Variants in EIF2S1 observed in about 807,000 individuals in gnomAD.
EIF2S1 encodes eukaryotic translation initiation factor 2 subunit alpha.
EIF2S1 carries 5 observed loss-of-function variants against 33.5 expected under a neutral mutation model. The observed-to-expected ratio is 0.15, with a 90% CI of 0.08 to 0.31. EIF2S1 has a LOEUF of 0.31. Among genes scored for constraint, EIF2S1 ranks in the 10% least tolerant of loss-of-function variants. The pLI is 1.00. For synonymous variants in EIF2S1, 99 were observed against 127.5 expected, an observed-to-expected ratio of 0.78 and a Z score of 1.51; for missense variants, 191 against 384.6, an observed-to-expected ratio of 0.50 and a Z score of 4.21.
At chr14:67,372,040 G>A (rs2085825529) in intron 2 of EIF2S1, among the ~76,000 whole-genome samples, 1 of 151,522 alleles carries the variant, frequency 6.6e-6, no homozygotes, top group Non-Finnish European at 1.5e-5. Context: ...CTAGGTGGGG[G>A]GATCACTTGA....
chr14:67,362,578 G>C (rs1197671392), intron 1 of EIF2S1, among the ~76,000 whole-genome samples: 1 of 152,140 alleles, frequency 6.6e-6, no homozygotes, highest in East Asian at 1.9e-4. Flanking sequence ...CTTCTAGTAA[G>C]TAGCAGAGCA....
At chr14:67,365,903 A>G (rs2085773874) in intron 2 of EIF2S1, among the ~76,000 whole-genome samples, 1 of 152,054 alleles carries the variant, frequency 6.6e-6, no homozygotes, top group Non-Finnish European at 1.5e-5. Flanking sequence ...GATTTTGAGG[A>G]TGTCTTATGC....
chr14:67,376,631 C>T (rs778223409), intron 4 of EIF2S1, 41 bp downstream of exon 4: 1 of 1,591,294 alleles, frequency 6.3e-7, no homozygotes, highest in Non-Finnish European at 8.6e-7. Context: ...CTTGATATCA[C>T]AACTCTTGGC....
At chr14:67,365,122 T>G (rs148435097) in intron 2 of EIF2S1, 114 bp downstream of exon 2, 17,349 of 1,142,906 alleles carry the variant, frequency 0.015, 168 homozygotes, top group Non-Finnish European at 0.018. Context: ...CTTTTATACT[T>G]AAACCTTTTA....
In EIF2S1 at chr14:67,360,396, G is replaced by C. The variant is rs1187821079; in HGVS notation, c.-62G>C. ...GGCCGGTGAGGGGGAAGCAAGTCTG[G>C]TCTCTGTGATTGAAGAAGTCGGCTC... is the stretch of plus-strand genomic sequence containing the variant. On this transcript the variant is annotated 5_prime_UTR_variant, in exon 1 of 8. Transcript: ENST00000256383. 7.6e-6 allele frequency: 3 copies of C among 395,456 alleles called. No individual in the cohort carries two copies. The highest frequency in any genetic ancestry group is 1.3e-5 in the Non-Finnish European group (3 of 224,562). 24.5% of individuals were successfully genotyped at this position (395,456 alleles called of 1,614,324 possible). A position where few individuals can be genotyped will look rare whatever the true frequency, so the allele number is the denominator to read the frequency against.
chr14:67,375,371 T>C (rs2085851984), intron 3 of EIF2S1, among the ~76,000 whole-genome samples: 1 of 152,026 alleles, frequency 6.6e-6, no homozygotes. Flanking sequence ...TCCTCTCGCC[T>C]CTGCCTCCCG....
Position 67,383,623 on chromosome 14 carries a change from C to A in EIF2S1, c.*183C>A. ...CTCCTAAATGTCAGCTGTTGTCACACAGTAGCTCCAACACTTTGAGCATTT... is the reference window on the plus strand; with the variant it reads ...CTCCTAAATGTCAGCTGTTGTCACAAAGTAGCTCCAACACTTTGAGCATTT... On this transcript the variant is annotated 3_prime_UTR_variant, in exon 8 of 8. Transcript: ENST00000256383. 1.3e-6 allele frequency: 1 copy of A among 752,422 alleles called. No homozygotes were observed. The highest frequency in any genetic ancestry group is 2.1e-6 in the Non-Finnish European group (1 of 474,714). The allele number at this position is 752,422 out of a possible 1,614,324, so 46.6% of individuals were successfully genotyped here.
chr14:67,360,425 G>T lies in EIF2S1; in HGVS notation c.-33G>T. The T allele has an allele frequency of 2.6e-6, 1 of 391,410 alleles. No homozygotes were observed. The allele number at this position is 391,410 out of a possible 1,614,324, so 24.2% of individuals were successfully genotyped here. A position where few individuals can be genotyped will look rare whatever the true frequency, so the allele number is the denominator to read the frequency against. ...CTGTGATTGAAGAAGTCGGCTCTGG[G>T]CTCCAGTGCGGGAATCACACACATA... is the stretch of plus-strand genomic sequence containing the variant. On this transcript the variant is annotated 5_prime_UTR_variant, in exon 1 of 8. Transcript: ENST00000256383.
At chr14:67,383,277 T>G in intron 7 of EIF2S1, 38 bp from the exon 8 acceptor site, 10 of 1,605,842 alleles carry the variant, frequency 6.2e-6, no homozygotes, top group South Asian at 3.3e-5. Context: ...GTATAGTATT[T>G]ACTACTTCAG....
chr14:67,367,083 G>C (rs1170769053), intron 2 of EIF2S1, among the ~76,000 whole-genome samples: 1 of 152,064 alleles, frequency 6.6e-6, no homozygotes, highest in African/African-American at 2.4e-5. Flanking sequence ...CCAAATCTCT[G>C]GTTTGTCCCT....
chr14:67,367,905 T>C (rs988165638), intron 2 of EIF2S1, among the ~76,000 whole-genome samples: 1 of 151,892 alleles, frequency 6.6e-6, no homozygotes, highest in Non-Finnish European at 1.5e-5. Flanking sequence ...ACATGGAAAA[T>C]ATATAGGTAA....
intron 7 of EIF2S1, chr14:67,382,803 G>T: frequency 1.8e-6 from 1 of 549,322 alleles, no homozygotes; most frequent in Admixed American, 3.4e-5. Context: ...GTTTGAATTT[G>T]CATGTGGCAT....
chr14:67,379,270 T>C (rs574199904), intron 4 of EIF2S1, among the ~76,000 whole-genome samples: 18 of 152,340 alleles, frequency 1.2e-4, no homozygotes, highest in Admixed American at 3.3e-4. Context: ...ATCTTTAAAC[T>C]GACTTGGTTT....
intron 2 of EIF2S1, 23 bp downstream of exon 2, chr14:67,365,031 A>T (rs2085765045): frequency 5.8e-6 from 9 of 1,558,954 alleles, no homozygotes; most frequent in Non-Finnish European, 6.9e-6. Context: ...AATATCTGTA[A>T]TATAAATTTC....
Position 67,383,621 on chromosome 14 carries a change from C to A in EIF2S1, c.*181C>A. ...CCCTCCTAAATGTCAGCTGTTGTCA[C>A]ACAGTAGCTCCAACACTTTGAGCAT... On this transcript the variant is annotated 3_prime_UTR_variant, in exon 8 of 8. Coordinates refer to ENST00000256383, the MANE Select transcript of EIF2S1 (RefSeq NM_004094.5). 2.6e-6 allele frequency: 2 copies of A among 772,060 alleles called. No homozygotes were observed. Among genetic ancestry groups the A allele is most frequent in the Non-Finnish European group, 4.1e-6 (2 of 491,228 alleles). The allele number at this position is 772,060 out of a possible 1,614,324, so 47.8% of individuals were successfully genotyped here. A position where few individuals can be genotyped will look rare whatever the true frequency, so the allele number is the denominator to read the frequency against.
intron 2 of EIF2S1, among the ~76,000 whole-genome samples, chr14:67,367,029 C>T (rs1389415339): frequency 6.6e-6 from 1 of 151,922 alleles, no homozygotes; most frequent in African/African-American, 2.4e-5. Flanking sequence ...AGAAAGGAGG[C>T]GGCAGGCACA....
rs757025338 is a variant in EIF2S1, at chr14:67,374,513, T to C, written c.287T>C (p.Ile96Thr). 2 of 1,608,314 alleles carry C rather than the reference T, an allele frequency of 1.2e-6. No individual in the cohort carries two copies. Among genetic ancestry groups the C allele is most frequent in the East Asian group, 2.2e-5 (1 of 44,680 alleles). ...SKRRVSPEEAIKCEDKFTKSK... is the reference protein window; with the variant it reads ...SKRRVSPEEATKCEDKFTKSK... ...AGAAGAGTTTCTCCAGAGGAAGCAA[T>C]CAAATGTGAAGACAAATTCACAAAA... Residue 96 changes from isoleucine (I) to threonine (T), a missense_variant, in exon 3 of 8, where the codon ATC becomes ACC. Ile to Thr is a moderately conservative substitution (Grantham distance 89). Transcript: ENST00000256383.
chr14:67,376,775 A>G (rs1363886226), intron 4 of EIF2S1, among the ~76,000 whole-genome samples, 185 bp downstream of exon 4: 1 of 152,208 alleles, frequency 6.6e-6, no homozygotes, highest in Non-Finnish European at 1.5e-5. Context: ...AGTTATGTAG[A>G]TTCATAAACC....
chr14:67,383,582 C>T lies in EIF2S1; in HGVS notation c.*142C>T. The stretch of plus-strand genomic sequence containing the variant: ...TAAGTATTTAAATGTTCTAACAGAT[C>T]AGAACATGAAATGCCCTCCTAAATG... On this transcript the variant is annotated 3_prime_UTR_variant, in exon 8 of 8. Transcript: ENST00000256383. The T allele has an allele frequency of 8.1e-7, 1 of 1,233,990 alleles. No homozygotes were observed. Among genetic ancestry groups the T allele is most frequent in the Non-Finnish European group, 1.1e-6 (1 of 886,184 alleles). The allele number at this position is 1,233,990 out of a possible 1,614,324, so 76.4% of individuals were successfully genotyped here. A position where few individuals can be genotyped will look rare whatever the true frequency, so the allele number is the denominator to read the frequency against.
Sources: gnomAD v4.1 joint callset for allele counts (sites outside exome capture counted in the v4.1 genomes callset) on GRCh38, gnomAD v4.1.1 for gene constraint, MANE v1.5 for transcripts, NCBI Gene and HGNC (gene_info 2026-07-23, HGNC 2026-07-21) for gene names.